TMEM26: variants seen among roughly 807,000 people sequenced by gnomAD.
TMEM26 encodes transmembrane protein 26.
Under a neutral mutation model 28.8 loss-of-function variants are expected in TMEM26, and 38 were observed. The ratio of observed to expected loss-of-function variants is 1.32; its 90% CI spans 1.02 to 1.73. The LOEUF is 1.73. Among genes scored for constraint, TMEM26 ranks in the 40% most tolerant of loss-of-function variants. The pLI is 0.00. For synonymous variants in TMEM26, 227 were observed against 182.9 expected (o/e 1.24, Z -1.95); for missense variants, 518 against 447.1 (o/e 1.16, Z -1.43).
At chr10:61,438,859 T>C (rs1381452404) in intron 1 of TMEM26, among the ~76,000 whole-genome samples, 3 of 152,150 alleles carry the variant, frequency 2.0e-5, no homozygotes, top group Admixed American at 6.5e-5. Context: ...GTATTTTAAA[T>C]AAAACAAACA....
At chr10:61,425,205 T>C (rs1477814938) in intron 4 of TMEM26, among the ~76,000 whole-genome samples, 2 of 152,106 alleles carry the variant, frequency 1.3e-5, no homozygotes, top group Non-Finnish European at 2.9e-5. Flanking sequence ...TTTGTGAGAC[T>C]CATTCACTAT....
rs559611641 is a variant in TMEM26 at position 61,413,367 on chromosome 10, A to G, written c.682+92T>C. 7.2e-6 allele frequency: 11 copies of G among 1,532,880 alleles called. No homozygotes were observed. In the Admixed American group the frequency reaches 8.3e-5, roughly 12 times the overall value. 95.0% of individuals were successfully genotyped at this position (1,532,880 alleles called of 1,614,324 possible). A position where few individuals can be genotyped will look rare whatever the true frequency, so the allele number is the denominator to read the frequency against. Reference sequence around the variant, plus strand: ...GAACTAATATTGGGATACAGACATGATAATCCTTTCACTTGCCTTCTTAGT... The same window carrying G: ...GAACTAATATTGGGATACAGACATGGTAATCCTTTCACTTGCCTTCTTAGT... On this transcript the variant is annotated intron_variant, in intron 5 of 5. Transcript: ENST00000399298.
At chr10:61,450,615 C>T (rs1271684318) in intron 1 of TMEM26, among the ~76,000 whole-genome samples, 1 of 151,506 alleles carries the variant, frequency 6.6e-6, no homozygotes, top group Non-Finnish European at 1.5e-5. Context: ...TCATTTGTTG[C>T]TGAAATTTTA....
Position 61,433,040 on chromosome 10 carries a change from A to G in TMEM26, c.271-1708T>C, listed in dbSNP as rs74945762. Among the ~76,000 whole-genome samples, 998 of 152,304 alleles carry G rather than the reference A, an allele frequency of 6.6e-3. 31 individuals are homozygous for G. The highest frequency in any genetic ancestry group is 0.062 in the East Asian group (324 of 5,190). ...AATATATTTTGACCACTTTGTAGGC[A>G]TGAAAACAGACTATGTATTAAAAAT... is the stretch of plus-strand genomic sequence containing the variant. On this transcript the variant is annotated intron_variant, in intron 2 of 5. Transcript: ENST00000399298.
At chr10:61,430,543 G>C (rs1004934572) in intron 3 of TMEM26, among the ~76,000 whole-genome samples, 5 of 147,190 alleles carry the variant, frequency 3.4e-5, no homozygotes, top group African/African-American at 1.2e-4. Flanking sequence ...TGACATAATT[G>C]TCTAGGTAGA....
rs1285044349 is a variant in TMEM26 at position 61,410,306 on chromosome 10, C to G, written c.*16G>C. ...AGGGAGTCAGGTTCTAGCCGCAGACCACTGTCAATCAATAACTAAGGGGTG... is the reference window on the plus strand; with the variant it reads ...AGGGAGTCAGGTTCTAGCCGCAGACGACTGTCAATCAATAACTAAGGGGTG... On this transcript the variant is annotated 3_prime_UTR_variant, in exon 6 of 6. Coordinates refer to ENST00000399298, the MANE Select transcript of TMEM26 (RefSeq NM_178505.8). 1.9e-6 allele frequency: 3 copies of G among 1,592,210 alleles called. No homozygotes were observed. The highest frequency in any genetic ancestry group is 2.2e-5 in the East Asian group (1 of 44,538).
intron 4 of TMEM26, among the ~76,000 whole-genome samples, chr10:61,417,124 C>G (rs534141002): frequency 6.6e-6 from 1 of 151,958 alleles, no homozygotes; most frequent in Non-Finnish European, 1.5e-5. Context: ...ATGGCAAACA[C>G]TCAAGATCTG....
Position 61,410,717 on chromosome 10 carries a change from T to A in TMEM26, c.712A>T (p.Thr238Ser). Residue 238 changes from threonine (T) to serine (S), a missense_variant, in exon 6 of 6, where the codon ACA becomes TCA. Thr to Ser is a moderately conservative substitution (Grantham distance 58). Transcript: ENST00000399298. The part of the protein sequence containing the change: ...VQNVVCPVSV[T>S]ERGFPSLFFC... ...AACAGGCTGGGGAATCCCCTCTCTG[T>A]CACAGACACAGGGCACACAACGTTC... The A allele has an allele frequency of 6.2e-7, 1 of 1,613,986 alleles. No homozygotes were observed. Among genetic ancestry groups the A allele is most frequent in the Non-Finnish European group, 8.5e-7 (1 of 1,179,994 alleles).
intron 1 of TMEM26, among the ~76,000 whole-genome samples, chr10:61,447,286 C>CACATATTATCACAT (rs1403158366): frequency 1.3e-5 from 2 of 152,188 alleles, no homozygotes; most frequent in African/African-American, 4.8e-5. Flanking sequence ...TGGAGGAAAG[C>CACATATTATCACAT]ACATATTATC....
At position 61,410,745 on chromosome 10, in the gene TMEM26, T is replaced by C. The variant is rs1288422077; in HGVS notation, c.684A>G (p.Val228=). The C allele has an allele frequency of 6.2e-7, 1 of 1,613,320 alleles. No homozygotes were observed. Among genetic ancestry groups the C allele is most frequent in the African/African-American group, 1.3e-5 (1 of 74,878 alleles). ...SMLQFPLDLA[V]QNVVCPVSVT... Reference sequence around the variant, plus strand: ...CAGACACAGGGCACACAACGTTCTGTACTGAAAACACAAGACAGACTAGTT... The same window carrying C: ...CAGACACAGGGCACACAACGTTCTGCACTGAAAACACAAGACAGACTAGTT... Residue 228 remains valine (V), a splice_region_variant and synonymous_variant, in exon 6 of 6, where the codon GTA becomes GTG. Coordinates refer to ENST00000399298, the MANE Select transcript of TMEM26 (RefSeq NM_178505.8).
intron 1 of TMEM26, among the ~76,000 whole-genome samples, chr10:61,447,747 C>T (rs1272674573): frequency 2.6e-5 from 4 of 152,050 alleles, no homozygotes; most frequent in Non-Finnish European, 5.9e-5. Context: ...TTGTTATCCT[C>T]CCCATGCCTG....
chr10:61,416,221 A>T, intron 4 of TMEM26: 1 of 392,518 alleles, frequency 2.5e-6, no homozygotes, highest in Non-Finnish European at 5.0e-6. Flanking sequence ...CTAATCCCAA[A>T]CTTCAATAAT....
chr10:61,408,002 A>G lies in TMEM26; in HGVS notation c.*2320T>C, dbSNP rs949314059. ...CTGAACAAATTTGTAATATTTAATC[A>G]GGAGTCTTAGGAATGGCTAATATAT... On this transcript the variant is annotated 3_prime_UTR_variant, in exon 6 of 6. Transcript: ENST00000399298. 1 of 152,236 alleles carries G rather than the reference A, an allele frequency of 6.6e-6. No individual in the cohort carries two copies. Among genetic ancestry groups the G allele is most frequent in the Admixed American group, 6.5e-5 (1 of 15,282 alleles). The allele number at this position is 152,236 out of a possible 1,614,324, so 9.4% of individuals were successfully genotyped here. A position where few individuals can be genotyped will look rare whatever the true frequency, so the allele number is the denominator to read the frequency against.
rs1010261923 is a variant in TMEM26, at chr10:61,431,273, A to G, written c.330T>C (p.Asn110=). The change falls in exon 3 of 6, where the codon AAT becomes AAC. Residue 110 remains asparagine, a synonymous_variant. Coordinates refer to ENST00000399298, the MANE Select transcript of TMEM26 (RefSeq NM_178505.8). The part of the protein sequence containing the change: ...SQNTSRKEDF[N]QTLTSNEQTS... ...TTTGTTCATTGGATGTCAATGTTTGATTGAAGTCTTCTTTTCTGCTGGTAT... is the reference window on the plus strand; with the variant it reads ...TTTGTTCATTGGATGTCAATGTTTGGTTGAAGTCTTCTTTTCTGCTGGTAT... The G allele has an allele frequency of 6.2e-7, 1 of 1,613,240 alleles. No homozygotes were observed. Among genetic ancestry groups the G allele is most frequent in the Non-Finnish European group, 8.5e-7 (1 of 1,179,396 alleles).
rs1166142914 is a variant in TMEM26 at position 61,452,158 on chromosome 10, A to G, written c.191+733T>C. ...TTCTCAATTATTTGATTGCCATTCA[A>G]GCCTTTCGGGGAGGAAATAAGCACC... On this transcript the variant is annotated intron_variant, in intron 1 of 5. Coordinates refer to ENST00000399298, the MANE Select transcript of TMEM26 (RefSeq NM_178505.8). Among the ~76,000 whole-genome samples, 6 of 152,306 alleles carry G rather than the reference A, an allele frequency of 3.9e-5. No homozygotes were observed. In the East Asian group the frequency reaches 1.2e-3, roughly 29 times the overall value.
rs559410746 is a variant in TMEM26 at position 61,433,986 on chromosome 10, G to T, written c.270+2184C>A. ...ATCATGCCTAACCTATGGAGTTGTT[G>T]GGTCCATATATGTGAAAACATTTGT... is the stretch of plus-strand genomic sequence containing the variant. On this transcript the variant is annotated intron_variant, in intron 2 of 5. Transcript: ENST00000399298. 1.3e-5 allele frequency among the ~76,000 whole-genome samples: 2 copies of T among 152,208 alleles called. 1 individual carries two copies. Among genetic ancestry groups the T allele is most frequent in the Admixed American group, 1.3e-4 (2 of 15,286 alleles).
intron 1 of TMEM26, among the ~76,000 whole-genome samples, chr10:61,442,128 T>C (rs1026205280): frequency 1.3e-5 from 2 of 152,192 alleles, no homozygotes; most frequent in Non-Finnish European, 2.9e-5. Flanking sequence ...CTTTACTCAT[T>C]GCTTTTGTCA....
chr10:61,418,114 A>G (rs1839684194), intron 4 of TMEM26, among the ~76,000 whole-genome samples: 1 of 152,004 alleles, frequency 6.6e-6, no homozygotes, highest in Non-Finnish European at 1.5e-5. Flanking sequence ...TAGATGAGGA[A>G]AAATTTATTC....
Position 61,410,375 on chromosome 10 carries a change from T to G in TMEM26, c.1054A>C (p.Ile352Leu). ...WQNESKEGLAIPLRGSPVTSD... is the reference protein window; with the variant it reads ...WQNESKEGLALPLRGSPVTSD... ...GTGACTGGGGAGCCCCGCAAAGGAA[T>G]AGCCAGGCCCTCCTTAGACTCGTTC... Residue 352 changes from isoleucine (I) to leucine (L), a missense_variant, in exon 6 of 6, where the codon ATT becomes CTT. Transcript: ENST00000399298. 41 of 1,613,974 alleles carry G rather than the reference T, an allele frequency of 2.5e-5. No homozygotes were observed. The highest frequency in any genetic ancestry group is 3.5e-5 in the Non-Finnish European group (41 of 1,179,994).
Sources: allele counts gnomAD v4.1 joint callset (sites outside exome capture counted in the v4.1 genomes callset), GRCh38; gene constraint gnomAD v4.1.1; transcripts MANE v1.5; gene names NCBI Gene and HGNC (gene_info 2026-07-23, HGNC 2026-07-21).